Variants in PTP4A3 observed in about 807,000 individuals in gnomAD.
PTP4A3 encodes protein tyrosine phosphatase type IVA 3.
PTP4A3 carries 9 observed loss-of-function variants against 15.2 expected under a neutral mutation model. The ratio of observed to expected loss-of-function variants is 0.59; its 90% CI spans 0.36 to 1.03. The LOEUF (loss-of-function observed/expected upper bound fraction) is 1.03, where lower values mean the gene tolerates loss of function less well. Among genes scored for constraint, PTP4A3 ranks in the 50% least tolerant of loss-of-function variants. The pLI, the probability that PTP4A3 is intolerant of heterozygous loss-of-function variation, is 0.02. For missense variants in PTP4A3, 234 were observed against 252.1 expected, an observed-to-expected ratio of 0.93 and a Z score of 0.49; for synonymous variants, 95 against 102.0, an observed-to-expected ratio of 0.93 and a Z score of 0.41.
intron 1 of PTP4A3, among the ~76,000 whole-genome samples, chr8:141,413,041 A>G (rs1832910696): frequency 6.6e-6 from 1 of 152,208 alleles, no homozygotes; most frequent in South Asian, 2.1e-4. Flanking sequence ...AGGAGGGACC[A>G]TCAGGCCATG....
At chr8:141,428,012 C>T (rs954411708) in intron 5 of PTP4A3, among the ~76,000 whole-genome samples, 188 bp downstream of exon 5, 5 of 152,072 alleles carry the variant, frequency 3.3e-5, no homozygotes, top group East Asian at 1.9e-4. Context: ...CAGCAGCCCC[C>T]GAGTGACCAT....
intron 1 of PTP4A3, among the ~76,000 whole-genome samples, chr8:141,421,114 C>T (rs1359672468): frequency 6.6e-6 from 1 of 152,206 alleles, no homozygotes; most frequent in African/African-American, 2.4e-5. Context: ...CCCTGAAATC[C>T]CTGTCCCCTC....
intron 1 of PTP4A3, among the ~76,000 whole-genome samples, chr8:141,415,837 G>A (rs1175907409): frequency 5.3e-5 from 8 of 150,680 alleles, no homozygotes; most frequent in Admixed American, 5.3e-4. Context: ...GGCCCTTGGA[G>A]CTGCCGAGTG....
intron 2 of PTP4A3, among the ~76,000 whole-genome samples, chr8:141,424,024 T>C (rs752845636): frequency 6.3e-4 from 96 of 152,138 alleles, no homozygotes; most frequent in African/African-American, 2.2e-3. Flanking sequence ...CAGGAAGGGC[T>C]CAGCCTGTGA....
chr8:141,407,192 T>C (rs978080632), intron 1 of PTP4A3, among the ~76,000 whole-genome samples: 2 of 152,252 alleles, frequency 1.3e-5, no homozygotes, highest in African/African-American at 4.8e-5. Context: ...ACAGTCCACA[T>C]GCTGGCCTGG....
intron 1 of PTP4A3, among the ~76,000 whole-genome samples, chr8:141,404,030 T>G (rs55887762): frequency 0.036 from 5,469 of 152,302 alleles, 321 homozygotes; most frequent in African/African-American, 0.12. Context: ...CCATCCCCTC[T>G]CGGGGCACAC....
intron 1 of PTP4A3, among the ~76,000 whole-genome samples, chr8:141,404,974 A>T (rs907121245): frequency 6.6e-6 from 1 of 152,108 alleles, no homozygotes; most frequent in African/African-American, 2.4e-5. Context: ...AAGTAATTTA[A>T]ACTGCCAGAA....
intron 2 of PTP4A3, 66 bp from the exon 3 acceptor site, chr8:141,424,981 GT>G: frequency 7.3e-7 from 1 of 1,368,440 alleles, no homozygotes; most frequent in East Asian, 2.4e-5. Flanking sequence ...GCCCTGGTGA[GT>G]GGGTCCTGCC....
Position 141,425,257 on chromosome 8 carries a change from CTG to C in PTP4A3, c.198+120_198+121del. On this transcript the variant is annotated intron_variant, in intron 3 of 5. Transcript: ENST00000521578. This position sits in a 1 kb window ranked among gnomAD's most constrained non-coding sequence, Gnocchi z 4.2. Reference sequence around the variant, plus strand: ...CCTCCTGTGGCAGCCCTGGGCATGTCTGTGCCTGGGCCACGTGTGTGTCTGGG... The same window carrying C: ...CCTCCTGTGGCAGCCCTGGGCATGTCTGCCTGGGCCACGTGTGTGTCTGGG... 9.4e-7 allele frequency: 1 copy of C among 1,066,608 alleles called. No individual in the cohort carries two copies. 66.1% of individuals were successfully genotyped at this position (1,066,608 alleles called of 1,614,324 possible).
At chr8:141,412,922 C>T (rs760332300) in intron 1 of PTP4A3, among the ~76,000 whole-genome samples, 2 of 152,346 alleles carry the variant, frequency 1.3e-5, no homozygotes, top group Non-Finnish European at 2.9e-5. Context: ...TAGCCAGGCC[C>T]AGTGGGCTCA....
At chr8:141,420,436 G>A (rs757433566) in intron 1 of PTP4A3, among the ~76,000 whole-genome samples, 6 of 152,036 alleles carry the variant, frequency 3.9e-5, no homozygotes, top group Non-Finnish European at 7.4e-5. Flanking sequence ...AGGGGGCTGC[G>A]TGCTCCTGGA....
chr8:141,409,321 G>A (rs1486298883), intron 1 of PTP4A3, among the ~76,000 whole-genome samples: 1 of 152,212 alleles, frequency 6.6e-6, no homozygotes, highest in African/African-American at 2.4e-5. Flanking sequence ...ATCAGCTCCT[G>A]TGAGCTCCCT....
At chr8:141,407,357 G>C (rs1355586832) in intron 1 of PTP4A3, among the ~76,000 whole-genome samples, 1 of 152,168 alleles carries the variant, frequency 6.6e-6, no homozygotes, top group Non-Finnish European at 1.5e-5. Context: ...TGTGGGTGAT[G>C]GTTAAGGTGT....
rs189467699 is a variant in PTP4A3 at position 141,406,504 on chromosome 8, G to A, written c.-854+14420G>A. On this transcript the variant is annotated intron_variant, in intron 1 of 5. Coordinates refer to ENST00000521578, the MANE Select transcript of PTP4A3 (RefSeq NM_032611.3). The surrounding 1 kb of genome is among the most constrained non-coding windows in gnomAD (Gnocchi z 4.5). ...GGGAAGTCCTGCCCTCCTGCCTCTG[G>A]CCCTTGCTCAAGCCGCGCCCCCATC... Among the ~76,000 whole-genome samples the A allele has an allele frequency of 4.7e-3, 712 of 152,056 alleles. 7 individuals are homozygous for A. Among genetic ancestry groups the A allele is most frequent in the Non-Finnish European group, 7.3e-3 (499 of 67,978 alleles).
chr8:141,412,042 G>A (rs1030394685), intron 1 of PTP4A3, among the ~76,000 whole-genome samples: 3 of 151,882 alleles, frequency 2.0e-5, no homozygotes, highest in Admixed American at 1.3e-4. Context: ...GGCACCACGC[G>A]AGGCCACTAC....
rs58406210 is a variant in PTP4A3 at position 141,409,244 on chromosome 8, C to T, written c.-853-12144C>T. ...GCCCGTGTGAATGGCCTGGCCACAG[C>T]ACTGCCAGACAGGGCAAAGTTCCTG... is the stretch of plus-strand genomic sequence containing the variant. On this transcript the variant is annotated intron_variant, in intron 1 of 5. Transcript: ENST00000521578. 9.8e-3 allele frequency among the ~76,000 whole-genome samples: 1,488 copies of T among 152,362 alleles called. 6 individuals are homozygous for T. The highest frequency in any genetic ancestry group is 0.044 in the South Asian group (214 of 4,832).
At chr8:141,428,932 C>T (rs569186538) in intron 5 of PTP4A3, among the ~76,000 whole-genome samples, 8 of 152,246 alleles carry the variant, frequency 5.3e-5, no homozygotes, top group South Asian at 2.1e-4. Context: ...CACTCTCACA[C>T]ATGCGGGTGC....
intron 1 of PTP4A3, among the ~76,000 whole-genome samples, chr8:141,396,442 G>A (rs1157686560): frequency 1.3e-5 from 2 of 152,144 alleles, no homozygotes; most frequent in African/African-American, 4.8e-5. Flanking sequence ...GTGCCAGTGG[G>A]GTGAGCAGCT....
At chr8:141,416,418 G>A (rs1276151310) in intron 1 of PTP4A3, among the ~76,000 whole-genome samples, 1 of 152,198 alleles carries the variant, frequency 6.6e-6, no homozygotes, top group African/African-American at 2.4e-5. Context: ...TGTCTTGCTT[G>A]TGGAATGCAG....
Sources: allele counts gnomAD v4.1 joint callset (sites outside exome capture counted in the v4.1 genomes callset), GRCh38; gene constraint gnomAD v4.1.1; non-coding constraint Gnocchi (gnomAD v3.1); transcripts MANE v1.5; gene names NCBI Gene and HGNC (gene_info 2026-07-23, HGNC 2026-07-21).